The following PTPRS variants were observed in gnomAD, a reference collection of about 807,000 sequenced individuals.
The protein encoded by PTPRS is receptor-type tyrosine-protein phosphatase S.
A neutral mutation model predicts 215.3 loss-of-function variants in PTPRS; 63 were observed. The observed-to-expected ratio is 0.29, with a 90% CI of 0.24 to 0.36. The LOEUF (loss-of-function observed/expected upper bound fraction) is 0.36, where lower values mean the gene tolerates loss of function less well. Among genes scored for constraint, PTPRS ranks in the 10% least tolerant of loss-of-function variants. The pLI, the probability that PTPRS is intolerant of heterozygous loss-of-function variation, is 1.00. For synonymous variants in PTPRS, 1,404 were observed against 1,191.4 expected, an observed-to-expected ratio of 1.18 and a Z score of -3.68; for missense variants, 2,258 against 2,825.8, an observed-to-expected ratio of 0.80 and a Z score of 4.56.
At position 5,211,827 on chromosome 19, in the gene PTPRS, T is replaced by G. The variant is rs184204274; in HGVS notation, c.5056-59A>C. On this transcript the variant is annotated intron_variant, in intron 32 of 37. Coordinates refer to ENST00000262963, the MANE Select transcript of PTPRS (RefSeq NM_002850.4). The stretch of plus-strand genomic sequence containing the variant: ...GGATGAGGAAGGCTATGCTTTCAGC[T>G]GGAGCACCAATGGTGGATAGGTAGG... 12,288 of 1,594,130 alleles carry G rather than the reference T, an allele frequency of 7.7e-3. 868 individuals are homozygous for G. The African/African-American group carries it at 0.15, about 19-fold the overall frequency.
chr19:5,229,151 G>A (rs1490718507), intron 16 of PTPRS, among the ~76,000 whole-genome samples, 165 bp downstream of exon 16: 5 of 152,220 alleles, frequency 3.3e-5, no homozygotes, highest in South Asian at 2.1e-4. Flanking sequence ...TGCAAACATC[G>A]AGGCTGGGCG....
At chr19:5,337,612 T>C (rs999886952) in intron 1 of PTPRS, among the ~76,000 whole-genome samples, 5 of 152,104 alleles carry the variant, frequency 3.3e-5, no homozygotes, top group African/African-American at 9.7e-5. Context: ...TGAGCAGAGA[T>C]AGATTTGCCT....
At chr19:5,253,811 G>C (rs189333394) in intron 9 of PTPRS, among the ~76,000 whole-genome samples, 2 of 152,328 alleles carry the variant, frequency 1.3e-5, no homozygotes, top group East Asian at 3.9e-4. Flanking sequence ...GACTTGCCCA[G>C]ATCATTTGCT....
intron 9 of PTPRS, 63 bp downstream of exon 9, chr19:5,256,045 C>T (rs1337358080): frequency 1.4e-5 from 20 of 1,414,406 alleles, no homozygotes; most frequent in African/African-American, 4.3e-5. Context: ...TGTGTGTGTG[C>T]GTGTCATTTT....
At chr19:5,292,864 G>T (rs937673715) in intron 1 of PTPRS, 4 of 152,204 alleles carry the variant, frequency 2.6e-5, no homozygotes, top group African/African-American at 9.7e-5. Flanking sequence ...GGGGGTGGGG[G>T]GAGGAGGTCG....
At position 5,244,964 on chromosome 19, in the gene PTPRS, G is replaced by C. The variant is rs1568467739; in HGVS notation, c.989-482C>G. On this transcript the variant is annotated intron_variant, in intron 10 of 37. Coordinates refer to ENST00000262963, the MANE Select transcript of PTPRS (RefSeq NM_002850.4). The surrounding 1 kb of genome is among the most constrained non-coding windows in gnomAD (Gnocchi z 7.2). Reference sequence around the variant, plus strand: ...ATTACAGGTGTGAGCCACCGCACCCGGCCTTTTTTTTCTTTTTTCTTTTTT... The same window carrying C: ...ATTACAGGTGTGAGCCACCGCACCCCGCCTTTTTTTTCTTTTTTCTTTTTT... Among the ~76,000 whole-genome samples the C allele has an allele frequency of 6.7e-6, 1 of 150,238 alleles. No homozygotes were observed. Among genetic ancestry groups the C allele is most frequent in the Admixed American group, 6.6e-5 (1 of 15,068 alleles).
intron 1 of PTPRS, among the ~76,000 whole-genome samples, chr19:5,305,939 CAAAAAAAAAAAAAAAAAAA>C (rs35165317): frequency 1.3e-4 from 3 of 22,644 alleles, no homozygotes; most frequent in African/African-American, 6.6e-4. Flanking sequence ...GACTCCGTCT[CAAAAAAAAAAAAAAAAAAA>C]AAAAAAAAAA....
At chr19:5,254,883 C>T (rs2045432083) in intron 9 of PTPRS, among the ~76,000 whole-genome samples, 1 of 152,220 alleles carries the variant, frequency 6.6e-6, no homozygotes, top group African/African-American at 2.4e-5. Flanking sequence ...TGCATACAGT[C>T]ATCACAGCAG....
At chr19:5,322,293 G>A (rs1171908797) in intron 1 of PTPRS, among the ~76,000 whole-genome samples, 1 of 152,218 alleles carries the variant, frequency 6.6e-6, no homozygotes, top group African/African-American at 2.4e-5. Flanking sequence ...TAAAAGGGAG[G>A]TAATATCACC....
intron 1 of PTPRS, among the ~76,000 whole-genome samples, chr19:5,298,901 G>C (rs1469182999): frequency 2.6e-5 from 4 of 152,164 alleles, no homozygotes; most frequent in Admixed American, 1.3e-4. Flanking sequence ...CTGGAAGCTG[G>C]CCCTCACTGC....
chr19:5,234,648 CAGT>C (rs1448563845), intron 13 of PTPRS, among the ~76,000 whole-genome samples: 1 of 151,944 alleles, frequency 6.6e-6, no homozygotes, highest in Non-Finnish European at 1.5e-5. Context: ...TCTCAGAAAA[CAGT>C]AGTAGTCCCT....
intron 8 of PTPRS, 118 bp from the exon 9 acceptor site, chr19:5,256,237 G>GTT: frequency 6.3e-6 from 4 of 636,546 alleles, no homozygotes; most frequent in Admixed American, 5.1e-5. Context: ...GCAATAGTTT[G>GTT]TTGTTTTTTT....
In PTPRS at chr19:5,222,320, C is replaced by A. The variant is rs541965693; in HGVS notation, c.3104-100G>T. The A allele has an allele frequency of 7.2e-6, 7 of 974,432 alleles. No homozygotes were observed. In the African/African-American group the frequency reaches 7.9e-5, roughly 11 times the overall value. The allele number at this position is 974,432 out of a possible 1,614,324, so 60.4% of individuals were successfully genotyped here. A position where few individuals can be genotyped will look rare whatever the true frequency, so the allele number is the denominator to read the frequency against. On this transcript the variant is annotated intron_variant, in intron 18 of 37. Transcript: ENST00000262963. ...GCGGGGTGGGGTGGGGCGGCCCAGG[C>A]GCTCCCTGTCGTCCGCTGTGCCCAT...
intron 9 of PTPRS, among the ~76,000 whole-genome samples, chr19:5,248,390 A>G (rs1025539751): frequency 1.0e-5 from 1 of 96,014 alleles, no homozygotes; most frequent in Admixed American, 1.0e-4. Context: ...AGCAAGAAGA[A>G]AAAAAAAAAA....
At position 5,220,238 on chromosome 19, in the gene PTPRS, G is replaced by A. The variant is rs877935; in HGVS notation, c.3549+22C>T. On this transcript the variant is annotated intron_variant, in intron 21 of 37. Transcript: ENST00000262963. Reference sequence around the variant, plus strand: ...AAACTGGAATGCATCTGGGCCCTGCGGGTTGGGCCCCAGGCCCTCACCTCT... The same window carrying A: ...AAACTGGAATGCATCTGGGCCCTGCAGGTTGGGCCCCAGGCCCTCACCTCT... 6.3e-3 allele frequency: 10,165 copies of A among 1,611,390 alleles called. 583 individuals are homozygous for A. The African/African-American group carries it at 0.12, about 19-fold the overall frequency.
At chr19:5,212,842 C>CAAA (rs58760144) in intron 30 of PTPRS, among the ~76,000 whole-genome samples, 22 of 144,730 alleles carry the variant, frequency 1.5e-4, no homozygotes, top group African/African-American at 5.4e-4. Context: ...AACTCCATCT[C>CAAA]AAAAAAAAAA....
chr19:5,259,160 T>C (rs557180223), intron 7 of PTPRS, among the ~76,000 whole-genome samples: 1 of 152,242 alleles, frequency 6.6e-6, no homozygotes, highest in South Asian at 2.1e-4. Flanking sequence ...TAAATAAAGA[T>C]ACAAAGAAGA....
intron 35 of PTPRS, among the ~76,000 whole-genome samples, chr19:5,208,917 G>A (rs2040614791): frequency 6.6e-6 from 1 of 151,902 alleles, no homozygotes; most frequent in South Asian, 2.1e-4. Flanking sequence ...GCCATTTCGG[G>A]GCCCTACAGC....
In PTPRS at chr19:5,268,075, CAGG is replaced by C. The variant is rs535069314; in HGVS notation, c.380-2882_380-2880del. Among the ~76,000 whole-genome samples, 418 of 152,232 alleles carry C rather than the reference CAGG, an allele frequency of 2.7e-3. 2 individuals carry two copies. The highest frequency in any genetic ancestry group is 4.7e-3 in the Admixed American group (72 of 15,284). On this transcript the variant is annotated intron_variant, in intron 4 of 37. Transcript: ENST00000262963. ...GTCCCAGCTACTCGGGAGGCTGAGG[CAGG>C]AGAATGGCGTGAAGCCGGGAGGCGG...
Sources: allele counts gnomAD v4.1 joint callset (sites outside exome capture counted in the v4.1 genomes callset), GRCh38; gene constraint gnomAD v4.1.1; non-coding constraint Gnocchi (gnomAD v3.1); transcripts MANE v1.5; gene names NCBI Gene and HGNC (gene_info 2026-07-23, HGNC 2026-07-21).